The following TCTN3 variants were observed in gnomAD, a reference collection of about 807,000 sequenced individuals.
The protein encoded by TCTN3 is tectonic family member 3.
Under a neutral mutation model 71.3 loss-of-function variants are expected in TCTN3, and 57 were observed. That is an observed-to-expected ratio of 0.80 (90% CI 0.65 to 1.00). The LOEUF is 1.00. TCTN3 is among the 50% of genes least tolerant of loss of function. The pLI, the probability that TCTN3 is intolerant of heterozygous loss-of-function variation, is 0.00. For synonymous variants in TCTN3, 258 were observed against 267.8 expected (o/e 0.96, Z 0.36); for missense variants, 696 against 719.9 (o/e 0.97, Z 0.38).
intron 13 of TCTN3, among the ~76,000 whole-genome samples, chr10:95,669,845 C>T (rs994480835): frequency 2.0e-5 from 3 of 151,748 alleles, no homozygotes; most frequent in African/African-American, 2.4e-5. Context: ...GGGCGGATCA[C>T]GAGGTCAGGA....
intron 3 of TCTN3, among the ~76,000 whole-genome samples, chr10:95,691,434 T>C (rs1347259444): frequency 1.3e-5 from 2 of 152,098 alleles, no homozygotes; most frequent in Non-Finnish European, 2.9e-5. Flanking sequence ...ATTACAGGAG[T>C]GAGCCACCGC....
At chr10:95,690,926 C>A (rs181673665) in intron 3 of TCTN3, among the ~76,000 whole-genome samples, 9 of 152,262 alleles carry the variant, frequency 5.9e-5, no homozygotes, top group Admixed American at 2.0e-4. Flanking sequence ...GTACACCCCA[C>A]CCTCGTTCAG....
rs10654251 is a variant in TCTN3 at position 95,677,474 on chromosome 10, G to GTTTTT, written c.1590+2993_1590+2997dup. On this transcript the variant is annotated intron_variant, in intron 13 of 13. Coordinates refer to ENST00000371217, the MANE Select transcript of TCTN3 (RefSeq NM_015631.6). The stretch of plus-strand genomic sequence containing the variant: ...ATACAAGAAGATAGTGAAGTCTACA[G>GTTTTT]TTTTTTTTGTTTTTTTTTTTTTTTT... Among the ~76,000 whole-genome samples, 219 of 80,644 alleles carry GTTTTT rather than the reference G, an allele frequency of 2.7e-3. 24 individuals carry two copies. The highest frequency in any genetic ancestry group is 5.7e-3 in the Middle Eastern group (1 of 176). The allele number at this position is 80,644 out of a possible 152,430, so 52.9% of individuals were successfully genotyped here. A position where few individuals can be genotyped will look rare whatever the true frequency, so the allele number is the denominator to read the frequency against.
chr10:95,684,445 T>A lies in TCTN3; in HGVS notation c.1095+54A>T, dbSNP rs2097946237. On this transcript the variant is annotated intron_variant, in intron 9 of 13. Coordinates refer to ENST00000371217, the MANE Select transcript of TCTN3 (RefSeq NM_015631.6). The stretch of plus-strand genomic sequence containing the variant: ...TGTATTACAGAAGCAAAGAAATTAT[T>A]TCTAACCCAATATTTCTTCCCCTCT... 6.0e-5 allele frequency: 95 copies of A among 1,585,616 alleles called. 3 individuals carry two copies. In the South Asian group the frequency reaches 1.1e-3, roughly 18 times the overall value.
chr10:95,693,713 G>A lies in TCTN3; in HGVS notation c.187C>T (p.Leu63Phe). Residue 63 changes from leucine (L) to phenylalanine (F), a missense_variant, in exon 1 of 14, where the codon CTC (leucine) becomes TTC (phenylalanine). Leu to Phe is a conservative substitution (Grantham distance 22). Transcript: ENST00000371217. ...ATATRPAVPG[L>F]PTVVPTLVTP... ...ACGAGAGTAGGGACCACTGTAGGGA[G>A]TCCAGGCACGGCCGGGCGAGTTGCA... 6.4e-7 allele frequency: 1 copy of A among 1,551,714 alleles called. No individual in the cohort carries two copies. The highest frequency in any genetic ancestry group is 8.7e-7 in the Non-Finnish European group (1 of 1,147,000).
At chr10:95,668,743 G>A (rs2097928123) in intron 13 of TCTN3, among the ~76,000 whole-genome samples, 1 of 152,146 alleles carries the variant, frequency 6.6e-6, no homozygotes, top group Non-Finnish European at 1.5e-5. Flanking sequence ...TCTAAGACAA[G>A]TAAGAATAAT....
intron 13 of TCTN3, among the ~76,000 whole-genome samples, chr10:95,668,916 T>C (rs770503696): frequency 6.6e-6 from 1 of 152,188 alleles, no homozygotes; most frequent in Non-Finnish European, 1.5e-5. Flanking sequence ...AAAAACTGCA[T>C]TGACAGAAAT....
At position 95,683,097 on chromosome 10, in the gene TCTN3, C is replaced by CT; in HGVS notation, c.1298+3dup. 1 of 1,611,970 alleles carries CT rather than the reference C, an allele frequency of 6.2e-7. No individual in the cohort carries two copies. The highest frequency in any genetic ancestry group is 1.3e-5 in the African/African-American group (1 of 74,976). On this transcript the variant is annotated splice_donor_region_variant and intron_variant, in intron 11 of 13. Transcript: ENST00000371217. ...CAGGAAATGATGCGGAAGCAAAGAACTACCTGAGCTTGCATCCAGATATTG... is the reference window on the plus strand; with the variant it reads ...CAGGAAATGATGCGGAAGCAAAGAACTTACCTGAGCTTGCATCCAGATATTG...
chr10:95,676,533 C>T (rs2097937346), intron 13 of TCTN3, among the ~76,000 whole-genome samples: 1 of 152,078 alleles, frequency 6.6e-6, no homozygotes, highest in Admixed American at 6.6e-5. Context: ...TGTTGTGATA[C>T]TGAAAATCAC....
Position 95,682,702 on chromosome 10 carries a change from T to C in TCTN3, c.1401A>G (p.Pro467=), listed in dbSNP as rs1267810891. The C allele has an allele frequency of 9.9e-6, 16 of 1,614,198 alleles. No homozygotes were observed. The highest frequency in any genetic ancestry group is 1.4e-5 in the Non-Finnish European group (16 of 1,180,024). The part of the protein sequence containing the change: ...EYVAIFGNAD[P]AQKGGWTRIL... ...TCCTGGTCCACCCTCCTTTCTGGGCTGGGTCAGCATTACCAAAGATGGCAA... is the reference window on the plus strand; with the variant it reads ...TCCTGGTCCACCCTCCTTTCTGGGCCGGGTCAGCATTACCAAAGATGGCAA... The change falls in exon 12 of 14, where the codon CCA becomes CCG. Residue 467 remains proline (P), a synonymous_variant. Coordinates refer to ENST00000371217, the MANE Select transcript of TCTN3 (RefSeq NM_015631.6).
intron 6 of TCTN3, among the ~76,000 whole-genome samples, chr10:95,686,807 C>T (rs1229741979): frequency 6.6e-6 from 1 of 152,148 alleles, no homozygotes; most frequent in Non-Finnish European, 1.5e-5. Flanking sequence ...GTGTTTTCCC[C>T]CTTCCACCCT....
At chr10:95,686,032 G>GC (rs1471360013) in intron 7 of TCTN3, among the ~76,000 whole-genome samples, 2 of 152,196 alleles carry the variant, frequency 1.3e-5, no homozygotes, top group African/African-American at 4.8e-5. Flanking sequence ...TTCAAGACCA[G>GC]CCTGGACAAC....
intron 12 of TCTN3, among the ~76,000 whole-genome samples, chr10:95,681,674 C>A (rs999807246): frequency 6.6e-6 from 1 of 152,044 alleles, no homozygotes; most frequent in Non-Finnish European, 1.5e-5. Flanking sequence ...GATTTTTAAC[C>A]AGATAATGCA....
At chr10:95,689,099 G>A (rs1395998180) in intron 3 of TCTN3, among the ~76,000 whole-genome samples, 1 of 152,016 alleles carries the variant, frequency 6.6e-6, no homozygotes, top group Non-Finnish European at 1.5e-5. Context: ...TTTTCAGCTT[G>A]CTGAAAAGTC....
At chr10:95,692,708 T>C (rs1183134713) in intron 3 of TCTN3, among the ~76,000 whole-genome samples, 1 of 152,176 alleles carries the variant, frequency 6.6e-6, no homozygotes, top group Admixed American at 6.5e-5. Flanking sequence ...GGACGGCTTA[T>C]GAATGCAGCC....
At chr10:95,671,659 C>T (rs1432967358) in intron 13 of TCTN3, among the ~76,000 whole-genome samples, 1 of 152,246 alleles carries the variant, frequency 6.6e-6, no homozygotes. Context: ...AAGTGTCTAA[C>T]TCATTAATGA....
intron 13 of TCTN3, among the ~76,000 whole-genome samples, chr10:95,679,900 A>T (rs1342047419): frequency 6.6e-6 from 1 of 152,214 alleles, no homozygotes; most frequent in African/African-American, 2.4e-5. Context: ...GTCATTTCTA[A>T]GTAAAATGAA....
chr10:95,680,445 AG>A, intron 13 of TCTN3, 26 bp downstream of exon 13: 2 of 1,591,256 alleles, frequency 1.3e-6, no homozygotes, highest in Non-Finnish European at 1.7e-6. Context: ...TGCAAGGTTT[AG>A]TGATCCTTTA....
At chr10:95,671,479 C>T (rs921913815) in intron 13 of TCTN3, among the ~76,000 whole-genome samples, 1 of 152,206 alleles carries the variant, frequency 6.6e-6, no homozygotes, top group African/African-American at 2.4e-5. Context: ...GAAGTACACC[C>T]TATACATTAC....
Sources: allele counts gnomAD v4.1 joint callset (sites outside exome capture counted in the v4.1 genomes callset), GRCh38; gene constraint gnomAD v4.1.1; transcripts MANE v1.5; gene names NCBI Gene and HGNC (gene_info 2026-07-23, HGNC 2026-07-21).